Variants in TMTC2 observed in about 807,000 individuals in gnomAD.
TMTC2 encodes the protein transmembrane O-mannosyltransferase targeting cadherins 2, also known as protein O-mannosyl-transferase TMTC2.
In TMTC2, 43 loss-of-function variants were observed where a neutral mutation model predicts 82.4. The ratio of observed to expected loss-of-function variants is 0.52; its 90% CI spans 0.41 to 0.67. TMTC2 has a LOEUF of 0.67. Among genes scored for constraint, TMTC2 ranks in the 30% least tolerant of loss-of-function variants. The pLI, the probability that TMTC2 is intolerant of heterozygous loss-of-function variation, is 0.00. For synonymous variants in TMTC2, 408 were observed against 381.9 expected, an observed-to-expected ratio of 1.07 and a Z score of -0.80; for missense variants, 919 against 1,012.4, an observed-to-expected ratio of 0.91 and a Z score of 1.25.
chr12:83,058,905 G>A (rs1269902332), intron 10 of TMTC2, among the ~76,000 whole-genome samples: 1 of 151,786 alleles, frequency 6.6e-6, no homozygotes, highest in African/African-American at 2.4e-5. Context: ...GTAAGAAAGT[G>A]GGTATCTGGC....
At chr12:82,958,516 G>T (rs540718463) in intron 4 of TMTC2, among the ~76,000 whole-genome samples, 1 of 152,130 alleles carries the variant, frequency 6.6e-6, no homozygotes, top group East Asian at 1.9e-4. Context: ...GGGATGCAAG[G>T]TTGGTTCAAC....
intron 8 of TMTC2, among the ~76,000 whole-genome samples, chr12:83,023,611 T>A (rs996860390): frequency 3.3e-5 from 5 of 152,236 alleles, no homozygotes; most frequent in Admixed American, 1.3e-4. Flanking sequence ...GCAGTGGCAC[T>A]GAGGATGGGC....
At chr12:83,056,940 T>C (rs1263215171) in intron 10 of TMTC2, among the ~76,000 whole-genome samples, 1 of 151,854 alleles carries the variant, frequency 6.6e-6, no homozygotes, top group Non-Finnish European at 1.5e-5. Flanking sequence ...ATTGGGGTAG[T>C]ACTTGTGATT....
intron 8 of TMTC2, among the ~76,000 whole-genome samples, chr12:82,994,050 C>T (rs1188342431): frequency 6.6e-6 from 1 of 152,050 alleles, no homozygotes; most frequent in South Asian, 2.1e-4. Flanking sequence ...TTGGGGTTGA[C>T]CTCATTTCTC....
At chr12:82,867,325 A>G (rs1027645190) in intron 2 of TMTC2, among the ~76,000 whole-genome samples, 7 of 152,210 alleles carry the variant, frequency 4.6e-5, no homozygotes, top group Non-Finnish European at 1.0e-4. Context: ...GGAATCAAAT[A>G]AAATGCAGAG....
intron 1 of TMTC2, among the ~76,000 whole-genome samples, chr12:82,781,828 C>T (rs1193820739): frequency 2.0e-5 from 3 of 151,200 alleles, no homozygotes; most frequent in Non-Finnish European, 4.4e-5. Context: ...TCCTGAGGGG[C>T]TGGGGTAGTT....
chr12:83,038,778 A>T (rs2137435876), intron 9 of TMTC2, among the ~76,000 whole-genome samples: 1 of 152,260 alleles, frequency 6.6e-6, no homozygotes, highest in Admixed American at 6.5e-5. Flanking sequence ...GAATGTTTAG[A>T]ATGGATGTAT....
Position 82,788,767 on chromosome 12 carries a change from T to C in TMTC2, c.84-68243T>C, listed in dbSNP as rs182125239. ...AAGCACTGCCCTGCTCTTAGGTTCT[T>C]GGCCTACTCTGCTTTTCTTCTCTTT... On this transcript the variant is annotated intron_variant, in intron 1 of 11. Transcript: ENST00000321196. 1.8e-4 allele frequency among the ~76,000 whole-genome samples: 27 copies of C among 152,258 alleles called. 1 individual carries two copies. Among genetic ancestry groups the C allele is most frequent in the African/African-American group, 5.5e-4 (23 of 41,568 alleles).
intron 11 of TMTC2, among the ~76,000 whole-genome samples, chr12:83,085,665 G>A (rs1006663261): frequency 3.4e-4 from 52 of 151,984 alleles, no homozygotes; most frequent in African/African-American, 1.2e-3. Context: ...TTCCCAACAT[G>A]GTATTCTTGA....
At chr12:82,699,657 C>A (rs1872978930) in intron 1 of TMTC2, among the ~76,000 whole-genome samples, 1 of 152,176 alleles carries the variant, frequency 6.6e-6, no homozygotes, top group Non-Finnish European at 1.5e-5. Flanking sequence ...TTTTGTTTAA[C>A]ACAGGTGCAG....
intron 1 of TMTC2, among the ~76,000 whole-genome samples, chr12:82,749,717 G>GT (rs1875874997): frequency 7.1e-6 from 1 of 140,852 alleles, no homozygotes; most frequent in Admixed American, 7.3e-5. Flanking sequence ...GAAACTGTTT[G>GT]TTTTTCTTTC....
At chr12:82,710,603 A>T (rs1873577499) in intron 1 of TMTC2, among the ~76,000 whole-genome samples, 1 of 152,252 alleles carries the variant, frequency 6.6e-6, no homozygotes, top group Non-Finnish European at 1.5e-5. Flanking sequence ...ATGAATTAAA[A>T]GAAATATTTA....
chr12:82,845,538 A>C (rs2137097356), intron 1 of TMTC2, among the ~76,000 whole-genome samples: 1 of 152,096 alleles, frequency 6.6e-6, no homozygotes, highest in East Asian at 1.9e-4. Context: ...CAAATCTGGA[A>C]AATTAGAAAC....
chr12:82,914,168 A>G (rs1874858619), intron 3 of TMTC2, among the ~76,000 whole-genome samples: 1 of 152,212 alleles, frequency 6.6e-6, no homozygotes, highest in Admixed American at 6.5e-5. Flanking sequence ...TTAAAATGAT[A>G]CGTGCCCAAG....
intron 4 of TMTC2, among the ~76,000 whole-genome samples, chr12:82,963,902 G>A (rs1242334011): frequency 4.4e-5 from 6 of 135,216 alleles, no homozygotes; most frequent in African/African-American, 1.7e-4. Flanking sequence ...TGACTTTGTA[G>A]CAACTATGAG....
chr12:83,039,270 C>G (rs1275680719), intron 9 of TMTC2, among the ~76,000 whole-genome samples: 1 of 151,932 alleles, frequency 6.6e-6, no homozygotes, highest in Non-Finnish European at 1.5e-5. Context: ...AAGTAGATAG[C>G]AGGATAATTA....
chr12:83,090,660 T>C lies in TMTC2; in HGVS notation c.2331+28829T>C, dbSNP rs565543760. On this transcript the variant is annotated intron_variant, in intron 11 of 11. Coordinates refer to ENST00000321196, the MANE Select transcript of TMTC2 (RefSeq NM_152588.3). ...CTTCCCCCTCCTCATCTTTGCTGCATTGCCTTTGTATTGGCCCTTTCCATG... is the reference window on the plus strand; with the variant it reads ...CTTCCCCCTCCTCATCTTTGCTGCACTGCCTTTGTATTGGCCCTTTCCATG... Among the ~76,000 whole-genome samples the C allele has an allele frequency of 4.6e-5, 7 of 152,324 alleles. 1 individual carries two copies. In the East Asian group the frequency reaches 1.4e-3, roughly 29 times the overall value.
At chr12:83,057,786 G>A (rs1203702699) in intron 10 of TMTC2, among the ~76,000 whole-genome samples, 1 of 151,584 alleles carries the variant, frequency 6.6e-6, no homozygotes, top group African/African-American at 2.4e-5. Context: ...ATTATCTTTT[G>A]TATGTATCCG....
Position 82,687,396 on chromosome 12 carries a change from T to C in TMTC2, c.-191T>C. 1.7e-6 allele frequency: 1 copy of C among 583,846 alleles called. No individual in the cohort carries two copies. The highest frequency in any genetic ancestry group is 3.0e-6 in the Non-Finnish European group (1 of 334,806). 36.2% of individuals were successfully genotyped at this position (583,846 alleles called of 1,614,324 possible). A position where few individuals can be genotyped will look rare whatever the true frequency, so the allele number is the denominator to read the frequency against. On this transcript the variant is annotated 5_prime_UTR_variant, in exon 1 of 12. Coordinates refer to ENST00000321196, the MANE Select transcript of TMTC2 (RefSeq NM_152588.3). Reference sequence around the variant, plus strand: ...CCGCACCCGGGGAGGACGCAGGAGCTGCGGAGACGGGCGCGAGGAGGAGGA... The same window carrying C: ...CCGCACCCGGGGAGGACGCAGGAGCCGCGGAGACGGGCGCGAGGAGGAGGA...
Sources: gnomAD v4.1 joint callset for allele counts (sites outside exome capture counted in the v4.1 genomes callset) on GRCh38, gnomAD v4.1.1 for gene constraint, MANE v1.5 for transcripts, NCBI Gene and HGNC (gene_info 2026-07-23, HGNC 2026-07-21) for gene names.